ZP3: variants seen among roughly 807,000 people sequenced by gnomAD.
ZP3 encodes the protein zona pellucida sperm-binding protein 3.
A neutral mutation model predicts 35.6 loss-of-function variants in ZP3; 21 were observed. That is an observed-to-expected ratio of 0.59 (90% CI 0.42 to 0.85). The LOEUF is 0.85. ZP3 is among the 40% of genes least tolerant of loss of function. ZP3 has a pLI of 0.00. For missense variants in ZP3, 437 were observed against 536.5 expected (o/e 0.81, Z 1.83); for synonymous variants, 207 against 214.5 (o/e 0.96, Z 0.31).
At chr7:76,414,563 C>T (rs541325063) in intron 1 of ZP3, among the ~76,000 whole-genome samples, 48 of 151,632 alleles carry the variant, frequency 3.2e-4, no homozygotes, top group African/African-American at 9.7e-4. Flanking sequence ...TCAACGCTTC[C>T]GCTCCTGGGA....
rs778344978 is a variant in ZP3, at chr7:76,425,170, C to T, written c.206C>T (p.Ala69Val). Residue 69 changes from alanine (A) to valine (V), a missense_variant, in exon 1 of 8, where the codon GCT becomes GTT. Physicochemically the swap from Ala to Val is moderately conservative, Grantham distance 64. This residue lies in a region of ZP3 where 352 missense variants were observed against 308.4 expected (regional missense o/e 1.14). Coordinates refer to ENST00000394857, the MANE Select transcript of ZP3 (RefSeq NM_001110354.2). ...LFGTGKLIRAADLTLGPEACE... is the reference protein window; with the variant it reads ...LFGTGKLIRAVDLTLGPEACE... ...GGCACCGGGAAGCTCATCAGGGCTG[C>T]TGACCTCACCTTGGGCCCAGAGGCC... The T allele has an allele frequency of 3.8e-5, 61 of 1,613,890 alleles. No individual in the cohort carries two copies. Among genetic ancestry groups the T allele is most frequent in the Non-Finnish European group, 4.7e-5 (55 of 1,180,040 alleles).
chr7:76,397,769 T>C (rs1584022779), exon 1 of ZP3: 1 of 1,612,018 alleles, frequency 6.2e-7, no homozygotes, highest in Non-Finnish European at 8.5e-7. Flanking sequence ...CAGGCCACTG[T>C]GCAGGATCTC....
intron 5 of ZP3, among the ~76,000 whole-genome samples, chr7:76,436,591 C>T (rs1165981575): frequency 6.6e-6 from 1 of 152,220 alleles, no homozygotes; most frequent in Non-Finnish European, 1.5e-5. Flanking sequence ...ACACACAGAT[C>T]AGTAGGGTAG....
chr7:76,418,974 T>C (rs959894781), intron 1 of ZP3, among the ~76,000 whole-genome samples: 1 of 152,182 alleles, frequency 6.6e-6, no homozygotes, highest in Non-Finnish European at 1.5e-5. Flanking sequence ...AGAGAGACTC[T>C]TGAATCTTGG....
At chr7:76,400,916 C>T in intron 1 of ZP3, 3 of 1,500,336 alleles carry the variant, frequency 2.0e-6, no homozygotes, top group Non-Finnish European at 2.7e-6. Context: ...TCAAGGGGGG[C>T]TGGTTAGTCA....
At chr7:76,404,582 A>ACCTC in intron 1 of ZP3, 1 of 1,272,302 alleles carries the variant, frequency 7.9e-7, no homozygotes, top group Non-Finnish European at 1.1e-6. Context: ...GCTTGCACCC[A>ACCTC]GGGGTTTGAG....
intron 2 of ZP3, among the ~76,000 whole-genome samples, chr7:76,432,663 G>A (rs1160560687): frequency 6.6e-6 from 1 of 152,154 alleles, no homozygotes; most frequent in Non-Finnish European, 1.5e-5. Context: ...CAAACTCCTA[G>A]GTTCAGCTGT....
chr7:76,431,287 G>A (rs1397923600), intron 2 of ZP3, among the ~76,000 whole-genome samples: 1 of 152,202 alleles, frequency 6.6e-6, no homozygotes, highest in East Asian at 1.9e-4. Context: ...GACTGAAGCT[G>A]TCCTGTGACC....
chr7:76,423,068 A>G (rs556099361), upstream of ZP3, among the ~76,000 whole-genome samples: 2 of 141,084 alleles, frequency 1.4e-5, no homozygotes, highest in African/African-American at 6.0e-5. Context: ...AGAAAGAAAG[A>G]AAGAAAGAAA....
intron 1 of ZP3, among the ~76,000 whole-genome samples, chr7:76,407,418 A>G (rs1268345688): frequency 1.3e-5 from 2 of 149,492 alleles, no homozygotes; most frequent in Non-Finnish European, 3.0e-5. Context: ...TGCACCCTCC[A>G]CCTTCCAGGT....
At chr7:76,440,944 G>A (rs1400144511) in intron 7 of ZP3, among the ~76,000 whole-genome samples, 1 of 152,112 alleles carries the variant, frequency 6.6e-6, no homozygotes, top group Non-Finnish European at 1.5e-5. Context: ...GGCCAAGGCG[G>A]GCAGGTCACC....
chr7:76,428,819 T>C (rs1291428049), intron 1 of ZP3: 4 of 152,310 alleles, frequency 2.6e-5, no homozygotes, highest in African/African-American at 9.7e-5. Flanking sequence ...GTAGCTGGGA[T>C]TACAGGCACG....
chr7:76,411,794 G>A (rs996083077), intron 1 of ZP3, among the ~76,000 whole-genome samples: 7 of 152,060 alleles, frequency 4.6e-5, no homozygotes, highest in African/African-American at 1.7e-4. Flanking sequence ...TTGTACTCCT[G>A]GGCATTTATC....
At chr7:76,422,788 C>A (rs1454439435), upstream of ZP3, among the ~76,000 whole-genome samples, 1 of 148,880 alleles carries the variant, frequency 6.7e-6, no homozygotes, top group Admixed American at 6.7e-5. Context: ...ACTTGAGGTC[C>A]AGAGTTCGAG....
chr7:76,398,694 G>T, intron 1 of ZP3: 1 of 1,610,970 alleles, frequency 6.2e-7, no homozygotes, highest in African/African-American at 1.3e-5. Flanking sequence ...CAAAACCCAG[G>T]TGGTGCCCAC....
chr7:76,428,377 T>C (rs1225929875), intron 1 of ZP3, among the ~76,000 whole-genome samples: 2 of 152,292 alleles, frequency 1.3e-5, no homozygotes, highest in Non-Finnish European at 1.5e-5. Flanking sequence ...GTGCTGGCTC[T>C]ATGCTAATCA....
upstream of ZP3, among the ~76,000 whole-genome samples, chr7:76,419,994 G>A (rs1805468457): frequency 6.6e-6 from 1 of 151,896 alleles, no homozygotes; most frequent in African/African-American, 2.4e-5. Flanking sequence ...TAGAGATGGG[G>A]TTTCTCCATG....
chr7:76,401,415 T>C (rs1804825273), intron 1 of ZP3, among the ~76,000 whole-genome samples: 1 of 102,074 alleles, frequency 9.8e-6, no homozygotes, highest in Non-Finnish European at 2.5e-5. Flanking sequence ...TCGCCTTTTT[T>C]CTTTTCTTTT....
At chr7:76,433,341 G>C (rs1455683143) in intron 3 of ZP3, 129 bp from the exon 4 acceptor site, 26 of 984,288 alleles carry the variant, frequency 2.6e-5, no homozygotes, top group Non-Finnish European at 3.9e-5. Flanking sequence ...TTTTAGTAGA[G>C]ATGGGGTTTT....
Sources: allele counts gnomAD v4.1 joint callset (sites outside exome capture counted in the v4.1 genomes callset), GRCh38; gene constraint gnomAD v4.1.1; regional missense constraint gnomAD v4.1.1; transcripts MANE v1.5; gene names NCBI Gene and HGNC (gene_info 2026-07-23, HGNC 2026-07-21).